EIPR1: variants seen among roughly 807,000 people sequenced by gnomAD.
The protein encoded by EIPR1 is EARP and GARP complex-interacting protein 1.
EIPR1 carries 25 observed loss-of-function variants against 48.1 expected under a neutral mutation model. That is an observed-to-expected ratio of 0.52 (90% CI 0.38 to 0.73). The LOEUF is 0.73. EIPR1 is among the 30% of genes least tolerant of loss of function. The pLI is 0.00. For synonymous variants in EIPR1, 204 were observed against 201.9 expected (o/e 1.01, Z -0.09); for missense variants, 415 against 506.2 (o/e 0.82, Z 1.73).
chr2:3,374,577 G>A (rs1435618826), intron 1 of EIPR1, among the ~76,000 whole-genome samples: 6 of 151,250 alleles, frequency 4.0e-5, no homozygotes, highest in African/African-American at 7.3e-5. Context: ...AAGGATATGA[G>A]CAGACACTTC....
intron 3 of EIPR1, among the ~76,000 whole-genome samples, chr2:3,335,971 T>A (rs1279749869): frequency 3.3e-5 from 5 of 151,876 alleles, no homozygotes. Flanking sequence ...GTCAGGAGAG[T>A]GTGCCCCTAA....
chr2:3,338,757 T>C (rs1383538541), intron 2 of EIPR1, among the ~76,000 whole-genome samples: 2 of 152,234 alleles, frequency 1.3e-5, no homozygotes, highest in Admixed American at 1.3e-4. Flanking sequence ...TTAAATAGGA[T>C]AACATTTTAG....
intron 6 of EIPR1, among the ~76,000 whole-genome samples, chr2:3,196,336 G>A (rs917209399): frequency 3.9e-5 from 6 of 152,196 alleles, no homozygotes; most frequent in South Asian, 2.1e-4. Flanking sequence ...AGCAACAGAC[G>A]TGCTACCATC....
At chr2:3,308,032 C>T (rs1668999934) in intron 3 of EIPR1, among the ~76,000 whole-genome samples, 1 of 152,186 alleles carries the variant, frequency 6.6e-6, no homozygotes, top group African/African-American at 2.4e-5. Flanking sequence ...CACAACAGAG[C>T]CACACCAGCC....
At chr2:3,344,634 CTTTTTTTTTTTTTTTT>C (rs1178498027) in intron 2 of EIPR1, among the ~76,000 whole-genome samples, 2 of 74,192 alleles carry the variant, frequency 2.7e-5, no homozygotes, top group Non-Finnish European at 5.1e-5. Context: ...GGTTCTGGTT[CTTTTTTTTTTTTTTTT>C]TTTTTTTTTT....
chr2:3,372,030 A>G (rs1414922944), intron 1 of EIPR1, among the ~76,000 whole-genome samples: 2 of 152,088 alleles, frequency 1.3e-5, no homozygotes, highest in East Asian at 3.9e-4. Flanking sequence ...ATAACAAACT[A>G]TCTCTCAGAC....
chr2:3,193,202 A>C (rs1176752069), intron 7 of EIPR1, among the ~76,000 whole-genome samples: 1 of 152,254 alleles, frequency 6.6e-6, no homozygotes, highest in Non-Finnish European at 1.5e-5. Context: ...CCAGCCACTC[A>C]GACCACAGGA....
intron 6 of EIPR1, 49 bp downstream of exon 6, chr2:3,196,832 C>A (rs374377425): frequency 1.9e-6 from 3 of 1,602,284 alleles, no homozygotes; most frequent in South Asian, 1.1e-5. Context: ...CGGTTCTGCT[C>A]GGTGAGGGAG....
intron 4 of EIPR1, among the ~76,000 whole-genome samples, chr2:3,222,015 A>T (rs1665911154): frequency 6.6e-6 from 1 of 152,036 alleles, no homozygotes; most frequent in South Asian, 2.1e-4. Flanking sequence ...GTTTCACAAG[A>T]CACTTATGTA....
intron 3 of EIPR1, among the ~76,000 whole-genome samples, chr2:3,325,833 A>G (rs570466620): frequency 6.6e-6 from 1 of 152,382 alleles, no homozygotes; most frequent in Non-Finnish European, 1.5e-5. Flanking sequence ...AACACTACAG[A>G]AAGACGCACC....
At chr2:3,254,956 T>A (rs1171254442) in intron 4 of EIPR1, among the ~76,000 whole-genome samples, 2 of 152,218 alleles carry the variant, frequency 1.3e-5, no homozygotes, top group East Asian at 3.8e-4. Context: ...TGGGGAAAAC[T>A]GGCTGAAGGA....
At chr2:3,245,734 T>C (rs573880280) in intron 4 of EIPR1, among the ~76,000 whole-genome samples, 82 of 152,328 alleles carry the variant, frequency 5.4e-4, no homozygotes, top group African/African-American at 1.9e-3. Flanking sequence ...CTAGGCTGGC[T>C]AAAGCCAACC....
chr2:3,292,473 G>A lies in EIPR1; in HGVS notation c.260-35018C>T, dbSNP rs758199573. Among the ~76,000 whole-genome samples the A allele has an allele frequency of 9.2e-5, 14 of 151,430 alleles. No individual in the cohort carries two copies. In the East Asian group the frequency reaches 1.6e-3, roughly 17 times the overall value. ...CATGCTGTTGCGGGGACAGCCCCCC[G>A]TACCTCACAGACAGCCGGCTCTGCG... On this transcript the variant is annotated intron_variant, in intron 3 of 8. Coordinates refer to ENST00000382125, the MANE Select transcript of EIPR1 (RefSeq NM_003310.5).
chr2:3,198,855 G>A (rs968614356), intron 5 of EIPR1, among the ~76,000 whole-genome samples: 1 of 151,912 alleles, frequency 6.6e-6, no homozygotes, highest in Non-Finnish European at 1.5e-5. Flanking sequence ...AACCACTAAT[G>A]AACTTCCATG....
At chr2:3,344,069 C>A (rs561557566) in intron 2 of EIPR1, among the ~76,000 whole-genome samples, 2 of 152,104 alleles carry the variant, frequency 1.3e-5, no homozygotes, top group Non-Finnish European at 2.9e-5. Flanking sequence ...AAAAATACCA[C>A]ATATAAATAA....
rs530686784 is a variant in EIPR1 at position 3,249,423 on chromosome 2, G to T, written c.416+7876C>A. On this transcript the variant is annotated intron_variant, in intron 4 of 8. Transcript: ENST00000382125. ...TTTCTCAGAAGCAACGTATTCAAGAGGTAGCCTGGCTGCTTCTAACAGCCT... is the reference window on the plus strand; with the variant it reads ...TTTCTCAGAAGCAACGTATTCAAGATGTAGCCTGGCTGCTTCTAACAGCCT... Among the ~76,000 whole-genome samples the T allele has an allele frequency of 2.6e-5, 4 of 152,328 alleles. No homozygotes were observed. The South Asian group carries it at 8.3e-4, about 32-fold the overall frequency.
chr2:3,347,445 G>A (rs1670434832), intron 2 of EIPR1, among the ~76,000 whole-genome samples: 1 of 152,146 alleles, frequency 6.6e-6, no homozygotes, highest in South Asian at 2.1e-4. Flanking sequence ...GAGTTTCCCT[G>A]CACAAGCTCT....
intron 3 of EIPR1, among the ~76,000 whole-genome samples, chr2:3,330,719 GAC>G (rs55981140): frequency 0.33 from 41,526 of 126,376 alleles, 7,613 homozygotes; most frequent in East Asian, 0.68. Flanking sequence ...ACACTCATGA[GAC>G]AGTGTGAGCA....
chr2:3,192,452 A>G lies in EIPR1; in HGVS notation c.951T>C (p.Asp317=). The change falls in exon 8 of 9, where the codon GAT becomes GAC. Residue 317 remains aspartate, a synonymous_variant. Transcript: ENST00000382125. ...SEPFGHLVDD[D]DISDQEDHRS... is the part of the protein sequence containing the mutation. ...GGTGGTCCTCCTGGTCACTGATGTC[A>G]TCGTCGTCTACCAAGTGGCCGAAGG... The G allele has an allele frequency of 6.2e-7, 1 of 1,612,822 alleles. No homozygotes were observed. The highest frequency in any genetic ancestry group is 8.5e-7 in the Non-Finnish European group (1 of 1,179,640).
Sources: allele counts gnomAD v4.1 joint callset (sites outside exome capture counted in the v4.1 genomes callset), GRCh38; gene constraint gnomAD v4.1.1; transcripts MANE v1.5; gene names NCBI Gene and HGNC (gene_info 2026-07-23, HGNC 2026-07-21).